The following MACF1 variants were observed in gnomAD, a reference collection of about 807,000 sequenced individuals.
MACF1 encodes microtubule-actin cross-linking factor 1.
MACF1 carries 193 observed loss-of-function variants against 854.8 expected under a neutral mutation model. The observed-to-expected ratio is 0.23, with a 90% CI of 0.20 to 0.25. The LOEUF is 0.25. Ranked by LOEUF, MACF1 falls within the 10% of genes least tolerant of loss-of-function variation. The pLI is 1.00. For synonymous variants in MACF1, 3,185 were observed against 3,226.7 expected (o/e 0.99, Z 0.44); for missense variants, 7,722 against 8,929.1 (o/e 0.86, Z 5.45).
chr1:39,417,694 G>GTGCC (rs1209351902), intron 58 of MACF1, among the ~76,000 whole-genome samples: 8 of 135,696 alleles, frequency 5.9e-5, no homozygotes, highest in African/African-American at 2.1e-4. Context: ...TTACAGGAAT[G>GTGCC]TGCCACCACA....
At chr1:39,155,672 A>C (rs1643667763) in intron 2 of MACF1, among the ~76,000 whole-genome samples, 1 of 152,238 alleles carries the variant, frequency 6.6e-6, no homozygotes, top group Non-Finnish European at 1.5e-5. Flanking sequence ...CTTAGTTTTC[A>C]TCAGATTCTC....
chr1:39,162,923 T>C (rs1372714383), intron 2 of MACF1, among the ~76,000 whole-genome samples: 1 of 152,214 alleles, frequency 6.6e-6, no homozygotes, highest in Non-Finnish European at 1.5e-5. Context: ...ACTAAACTCA[T>C]ATATTTAAAT....
At position 39,364,023 on chromosome 1, in the gene MACF1, T is replaced by A. The variant is rs75622038; in HGVS notation, c.12771+2346T>A. Reference sequence around the variant, plus strand: ...TAATATTGGAAGTGTATCCTCAGAATAAGTTCCTAGAGTGGAGTTGTTGCA... The same window carrying A: ...TAATATTGGAAGTGTATCCTCAGAAAAAGTTCCTAGAGTGGAGTTGTTGCA... On this transcript the variant is annotated intron_variant, in intron 49 of 100. Coordinates refer to ENST00000564288, the MANE Select transcript of MACF1 (RefSeq NM_001394062.1). 7.2e-3 allele frequency among the ~76,000 whole-genome samples: 1,095 copies of A among 152,318 alleles called. 12 individuals are homozygous for A. Among genetic ancestry groups the A allele is most frequent in the African/African-American group, 0.024 (1,012 of 41,566 alleles).
At chr1:39,168,239 T>A (rs1387948678) in intron 2 of MACF1, among the ~76,000 whole-genome samples, 3 of 152,232 alleles carry the variant, frequency 2.0e-5, no homozygotes, top group Non-Finnish European at 4.4e-5. Context: ...CCAACTTCAT[T>A]CTGTTTTGGA....
chr1:39,297,169 G>T (rs956013621), intron 20 of MACF1, among the ~76,000 whole-genome samples: 1 of 152,148 alleles, frequency 6.6e-6, no homozygotes, highest in African/African-American at 2.4e-5. Flanking sequence ...CTCGTGATCT[G>T]CCCGCCTTGG....
In MACF1 at chr1:39,473,772, TA is replaced by T. The variant is rs556101105; in HGVS notation, c.21958+4160del. Among the ~76,000 whole-genome samples the T allele has an allele frequency of 2.9e-3, 438 of 152,312 alleles. 1 individual carries two copies. The highest frequency in any genetic ancestry group is 4.6e-3 in the Non-Finnish European group (315 of 68,034). On this transcript the variant is annotated intron_variant, in intron 97 of 100. Transcript: ENST00000564288. ...GTTTCACACATACTTACTGAAACCC[TA>T]AATGCAAGCCTCGCACTGGGATCCA...
chr1:39,251,510 T>C (rs1025365241), intron 3 of MACF1, among the ~76,000 whole-genome samples: 4 of 152,234 alleles, frequency 2.6e-5, no homozygotes, highest in African/African-American at 7.2e-5. Context: ...CCTTTAAGTG[T>C]TTGTGGAGAT....
chr1:39,430,853 A>G lies in MACF1; in HGVS notation c.17282A>G (p.Asp5761Gly). 1.2e-6 allele frequency: 2 copies of G among 1,612,746 alleles called. No individual in the cohort carries two copies. The highest frequency in any genetic ancestry group is 1.7e-6 in the Non-Finnish European group (2 of 1,180,012). Residue 5761 changes from aspartate (D) to glycine (G), a missense_variant, in exon 66 of 101, where the codon GAC (aspartate) becomes GGC (glycine). Around this residue, in one of 15 missense-constraint regions of MACF1, gnomAD observed 2,807 missense variants for 3,235.8 expected, o/e 0.87. Coordinates refer to ENST00000564288, the MANE Select transcript of MACF1 (RefSeq NM_001394062.1). ...DANEQYKLVSDTIGQRVDEID... is the reference protein window; with the variant it reads ...DANEQYKLVSGTIGQRVDEID... ...AACGAGCAGTACAAACTAGTCAGTG[A>G]CACTATTGGACAAAGGGTGGATGAA...
chr1:39,401,424 C>A (rs1309427788), intron 58 of MACF1, among the ~76,000 whole-genome samples: 5 of 152,150 alleles, frequency 3.3e-5, no homozygotes, highest in Admixed American at 6.5e-5. Flanking sequence ...AAAGACATCT[C>A]TTAATATTAA....
chr1:39,332,339 A>C lies in MACF1; in HGVS notation c.5751A>C (p.Leu1917Phe), dbSNP rs759567508. 1 of 1,613,988 alleles carries C rather than the reference A, an allele frequency of 6.2e-7. No homozygotes were observed. The highest frequency in any genetic ancestry group is 1.1e-5 in the South Asian group (1 of 91,082). The change falls in exon 37 of 101, where the codon TTA (leucine) becomes TTC (phenylalanine). Residue 1917 changes from leucine (L) to phenylalanine (F), a missense_variant. Around this residue, in one of 15 missense-constraint regions of MACF1, gnomAD observed 1,531 missense variants for 1,601.6 expected, o/e 0.96. Coordinates refer to ENST00000564288, the MANE Select transcript of MACF1 (RefSeq NM_001394062.1). Reference protein sequence around the residue: ...GILDRDLANNLKSICIPDVMP... With the variant: ...GILDRDLANNFKSICIPDVMP... ...TGGATAGAGATCTTGCCAATAACTTAAAATCGATTTGTATACCTGATGTGA... is the reference window on the plus strand; with the variant it reads ...TGGATAGAGATCTTGCCAATAACTTCAAATCGATTTGTATACCTGATGTGA...
intron 2 of MACF1, among the ~76,000 whole-genome samples, chr1:39,187,343 A>G (rs1644186351): frequency 6.6e-6 from 1 of 152,196 alleles, no homozygotes; most frequent in African/African-American, 2.4e-5. Context: ...AACATATCAA[A>G]TAATCTTTTA....
At chr1:39,274,716 C>T (rs886781314) in intron 6 of MACF1, among the ~76,000 whole-genome samples, 11 of 152,134 alleles carry the variant, frequency 7.2e-5, no homozygotes, top group Non-Finnish European at 1.5e-4. Context: ...GAGCATGGAG[C>T]CAGATTGGCT....
At chr1:39,251,758 T>A (rs1455104545) in intron 3 of MACF1, 88 bp from the exon 4 acceptor site, 1 of 695,432 alleles carries the variant, frequency 1.4e-6, no homozygotes, top group Non-Finnish European at 2.1e-6. Flanking sequence ...TTTCCTTTTT[T>A]TTAAGTGTTG....
intron 31 of MACF1, among the ~76,000 whole-genome samples, chr1:39,320,172 CAT>C (rs1482257001): frequency 2.0e-5 from 3 of 152,128 alleles, no homozygotes; most frequent in Non-Finnish European, 4.4e-5. Flanking sequence ...TGTCTTCAAA[CAT>C]GTCCCACATC....
chr1:39,190,401 G>T (rs12076577), intron 2 of MACF1, among the ~76,000 whole-genome samples: 65,035 of 105,080 alleles, frequency 0.62, 20,811 homozygotes, highest in South Asian at 0.78. Flanking sequence ...GTTTGTTTTT[G>T]TTTTTTTTTT....
At position 39,480,901 on chromosome 1, in the gene MACF1, T is replaced by C; in HGVS notation, c.22171-19T>C. On this transcript the variant is annotated intron_variant, in intron 98 of 100. Coordinates refer to ENST00000564288, the MANE Select transcript of MACF1 (RefSeq NM_001394062.1). ...TTTTCAATTGTTCCTGTCCTTCCCT[T>C]TGGATTTCCGTTTCACAGACTTCAC... The C allele has an allele frequency of 7.2e-7, 1 of 1,394,382 alleles. No homozygotes were observed. The highest frequency in any genetic ancestry group is 1.0e-6 in the Non-Finnish European group (1 of 1,004,126). The allele number at this position is 1,394,382 out of a possible 1,614,324, so 86.4% of individuals were successfully genotyped here.
rs968036845 is a variant in MACF1 at position 39,234,305 on chromosome 1, C to T, written c.171+3062C>T. Among the ~76,000 whole-genome samples, 17 of 152,086 alleles carry T rather than the reference C, an allele frequency of 1.1e-4. No individual in the cohort carries two copies. In the South Asian group the frequency reaches 3.1e-3, roughly 28 times the overall value. On this transcript the variant is annotated intron_variant, in intron 2 of 100. Transcript: ENST00000564288. Reference sequence around the variant, plus strand: ...GGCCCGTTCTCAATGAGCTGTTGGGCACACCTCCCAGACGGGGTGGTGGCC... The same window carrying T: ...GGCCCGTTCTCAATGAGCTGTTGGGTACACCTCCCAGACGGGGTGGTGGCC...
At chr1:39,477,999 AT>A (rs36028217) in intron 97 of MACF1, among the ~76,000 whole-genome samples, 1,078 of 101,824 alleles carry the variant, frequency 0.011, 3 homozygotes, top group African/African-American at 0.017. Flanking sequence ...TCAGAAGTGA[AT>A]TTTTTTTTTT....
In MACF1 at chr1:39,387,926, A is replaced by T. The variant is rs183960224; in HGVS notation, c.15084A>T (p.Gly5028=). 24 of 1,613,886 alleles carry T rather than the reference A, an allele frequency of 1.5e-5. No individual in the cohort carries two copies. The Admixed American group carries it at 3.8e-4, about 26-fold the overall frequency. The change falls in exon 58 of 101, where the codon GGA becomes GGT. Residue 5028 remains glycine, a synonymous_variant. Transcript: ENST00000564288. The part of the protein sequence containing the change: ...SFKNIEKKVE[G]AKHQLEIFDA... The stretch of plus-strand genomic sequence containing the variant: ...AGAATATTGAAAAGAAGGTTGAAGG[A>T]GCCAAACACCAACTTGAGATCTTTG...
Sources: gnomAD v4.1 joint callset for allele counts (sites outside exome capture counted in the v4.1 genomes callset) on GRCh38, gnomAD v4.1.1 for gene constraint, gnomAD v4.1.1 regional missense constraint, MANE v1.5 for transcripts, NCBI Gene and HGNC (gene_info 2026-07-23, HGNC 2026-07-21) for gene names.